ASNS: variants seen among roughly 807,000 people sequenced by gnomAD.
The protein encoded by ASNS is asparagine synthetase [glutamine-hydrolyzing].
ASNS carries 37 observed loss-of-function variants against 62.6 expected under a neutral mutation model. The observed-to-expected ratio is 0.59, with a 90% CI of 0.45 to 0.78. ASNS has a LOEUF of 0.78. Ranked by LOEUF, ASNS falls within the 30% of genes least tolerant of loss-of-function variation. The pLI is 0.00. For missense variants in ASNS, 520 were observed against 682.4 expected (o/e 0.76, Z 2.65); for synonymous variants, 207 against 237.9 (o/e 0.87, Z 1.19).
At chr7:97,919,779 A>C in the ASNS span, among the ~76,000 whole-genome samples, 1 of 152,236 alleles carries the variant, frequency 6.6e-6, no homozygotes, top group Admixed American at 6.5e-5. Context: ...GAAGGCAACT[A>C]GAACAGGGCG....
upstream of ASNS, among the ~76,000 whole-genome samples, chr7:97,874,131 G>C (rs974396143): frequency 5.3e-5 from 8 of 152,024 alleles, no homozygotes; most frequent in African/African-American, 7.3e-5. Flanking sequence ...CGCCCCGGGG[G>C]GCCAGTTTAG....
the ASNS span, chr7:97,909,110 A>G: frequency 3.9e-5 from 6 of 152,152 alleles, no homozygotes; most frequent in Non-Finnish European, 8.8e-5. Context: ...ATCAAGGTTG[A>G]AGACCTAAAA....
Position 97,856,926 on chromosome 7 carries a change from A to G in ASNS, c.904-110T>C. ...TTATGAATTAACAATGGTGAAAACTAAACAAGGGAAAAAAAGAAAAATGAC... is the reference window on the plus strand; with the variant it reads ...TTATGAATTAACAATGGTGAAAACTGAACAAGGGAAAAAAAGAAAAATGAC... On this transcript the variant is annotated intron_variant, in intron 7 of 12. Coordinates refer to ENST00000394308, the MANE Select transcript of ASNS (RefSeq NM_001673.5). 5.9e-6 allele frequency: 7 copies of G among 1,189,520 alleles called. No homozygotes were observed. In the South Asian group the frequency reaches 1.2e-4, roughly 20 times the overall value. The allele number at this position is 1,189,520 out of a possible 1,614,324, so 73.7% of individuals were successfully genotyped here.
intron 10 of ASNS, among the ~76,000 whole-genome samples, chr7:97,854,294 T>C (rs1430172987): frequency 6.6e-6 from 1 of 152,226 alleles, no homozygotes; most frequent in Non-Finnish European, 1.5e-5. Flanking sequence ...CAGAATGTTG[T>C]TACCCTTTAA....
At chr7:97,858,657 CAT>C (rs1791572065) in intron 6 of ASNS, among the ~76,000 whole-genome samples, 195 bp downstream of exon 6, 1 of 152,160 alleles carries the variant, frequency 6.6e-6, no homozygotes, top group Non-Finnish European at 1.5e-5. Context: ...ACACCAATAA[CAT>C]AGCTATAGTG....
the ASNS span, among the ~76,000 whole-genome samples, chr7:97,889,305 T>C: frequency 6.6e-6 from 1 of 151,872 alleles, no homozygotes; most frequent in Non-Finnish European, 1.5e-5. Flanking sequence ...GATCACGAGG[T>C]CAGGAGTTCG....
At chr7:97,875,749 A>G (rs1229140321), upstream of ASNS, among the ~76,000 whole-genome samples, 1 of 152,214 alleles carries the variant, frequency 6.6e-6, no homozygotes, top group African/African-American at 2.4e-5. Flanking sequence ...TTTTCCCTAG[A>G]TATTACACAG....
the ASNS span, among the ~76,000 whole-genome samples, chr7:97,895,140 A>C: frequency 6.6e-6 from 1 of 152,278 alleles, no homozygotes; most frequent in East Asian, 1.9e-4. Context: ...ATCTCAGCAG[A>C]TGCAGAAAAA....
At chr7:97,853,683 C>A (rs532074596) in intron 10 of ASNS, among the ~76,000 whole-genome samples, 1 of 152,268 alleles carries the variant, frequency 6.6e-6, no homozygotes, top group South Asian at 2.1e-4. Context: ...GAAAAAGTTA[C>A]AAAACATGAG....
intron 3 of ASNS, among the ~76,000 whole-genome samples, chr7:97,867,511 T>C (rs1215782994): frequency 2.0e-5 from 3 of 152,218 alleles, no homozygotes; most frequent in African/African-American, 7.2e-5. Context: ...TGTAACTTTT[T>C]AATAAAAGAA....
chr7:97,860,677 G>C (rs1247141922), intron 4 of ASNS, among the ~76,000 whole-genome samples: 4 of 152,208 alleles, frequency 2.6e-5, no homozygotes, highest in Admixed American at 2.0e-4. Context: ...GGCAAAAAGA[G>C]GCAGGGAGAG....
the ASNS span, among the ~76,000 whole-genome samples, chr7:97,886,714 G>A: frequency 5.9e-5 from 9 of 152,072 alleles, no homozygotes; most frequent in Admixed American, 2.0e-4. Flanking sequence ...TGGATTCCAC[G>A]GATCTTCTAC....
At chr7:97,875,361 ACTC>A (rs1030036125), upstream of ASNS, among the ~76,000 whole-genome samples, 2 of 151,486 alleles carry the variant, frequency 1.3e-5, no homozygotes, top group Non-Finnish European at 2.9e-5. Flanking sequence ...CTGGTCTTGA[ACTC>A]CTGACCTCAA....
rs1348182192 is a variant in ASNS, at chr7:97,867,013, C to T, written c.249+1895G>A. Among the ~76,000 whole-genome samples the T allele has an allele frequency of 4.0e-5, 6 of 150,674 alleles. No homozygotes were observed. The South Asian group carries it at 1.3e-3, about 32-fold the overall frequency. ...TCTTTGGCCTAAACTTTGCAGGTAA[C>T]TTATTTAAAAAGGAGAAGGGTCCTT... On this transcript the variant is annotated intron_variant, in intron 3 of 12. Coordinates refer to ENST00000394308, the MANE Select transcript of ASNS (RefSeq NM_001673.5).
chr7:97,852,358 C>T lies in ASNS; in HGVS notation c.1587G>A (p.Arg529=), dbSNP rs140975053. ...RQVFERHYPG[R]ADWLSHYWMP... is the part of the protein sequence containing the mutation. ...TCCAGTAATGGCTCAGCCAGTCAGCCCGGCCTGGGTAATGGCGTTCAAAGA... is the reference window on the plus strand; with the variant it reads ...TCCAGTAATGGCTCAGCCAGTCAGCTCGGCCTGGGTAATGGCGTTCAAAGA... The change falls in exon 13 of 13, where the codon CGG becomes CGA. Residue 529 remains arginine (R), a synonymous_variant. Coordinates refer to ENST00000394308, the MANE Select transcript of ASNS (RefSeq NM_001673.5). The T allele has an allele frequency of 3.4e-4, 548 of 1,614,146 alleles. No homozygotes were observed. In the African/African-American group the frequency reaches 6.7e-3, roughly 20 times the overall value.
the ASNS span, among the ~76,000 whole-genome samples, chr7:97,903,245 T>G: frequency 6.9e-6 from 1 of 145,468 alleles, no homozygotes; most frequent in Non-Finnish European, 1.5e-5. Context: ...ATCCAGAGTT[T>G]TTTTTTTTTT....
chr7:97,916,158 C>G, the ASNS span, among the ~76,000 whole-genome samples: 1 of 152,100 alleles, frequency 6.6e-6, no homozygotes, highest in Non-Finnish European at 1.5e-5. Context: ...CGAGTTGGAT[C>G]ACCTGAGGTC....
At chr7:97,867,171 T>C (rs1411848949) in intron 3 of ASNS, among the ~76,000 whole-genome samples, 1 of 149,514 alleles carries the variant, frequency 6.7e-6, no homozygotes, top group African/African-American at 2.4e-5. Context: ...GATACTCCCC[T>C]GCAGGGAGAG....
chr7:97,889,132 C>A, the ASNS span, among the ~76,000 whole-genome samples: 1 of 152,196 alleles, frequency 6.6e-6, no homozygotes, highest in Admixed American at 6.5e-5. Flanking sequence ...CTAGTATTGA[C>A]ACACCTGGTC....
Sources: gnomAD v4.1 joint callset for allele counts (sites outside exome capture counted in the v4.1 genomes callset) on GRCh38, gnomAD v4.1.1 for gene constraint, MANE v1.5 for transcripts, NCBI Gene and HGNC (gene_info 2026-07-23, HGNC 2026-07-21) for gene names.